SSH2: variants seen among roughly 807,000 people sequenced by gnomAD.
SSH2 encodes the protein slingshot protein phosphatase 2, also known as protein phosphatase Slingshot homolog 2.
A neutral mutation model predicts 135.2 loss-of-function variants in SSH2; 37 were observed. The observed-to-expected ratio is 0.27, with a 90% CI of 0.21 to 0.36. The LOEUF is 0.36. Ranked by LOEUF, SSH2 falls within the 10% of genes least tolerant of loss-of-function variation. The pLI is 1.00. For synonymous variants in SSH2, 628 were observed against 646.2 expected, an observed-to-expected ratio of 0.97 and a Z score of 0.43; for missense variants, 1,408 against 1,765.3, an observed-to-expected ratio of 0.80 and a Z score of 3.63.
intron 9 of SSH2, among the ~76,000 whole-genome samples, chr17:29,671,494 A>G (rs1598763658): frequency 1.3e-5 from 2 of 152,122 alleles, no homozygotes; most frequent in African/African-American, 4.8e-5. Context: ...AAAAAAAAAA[A>G]TTAGCTTATT....
chr17:29,844,850 G>A (rs1471317535), intron 2 of SSH2, among the ~76,000 whole-genome samples: 1 of 152,124 alleles, frequency 6.6e-6, no homozygotes, highest in African/African-American at 2.4e-5. Context: ...GAGATCTAAG[G>A]CAGCCAGCCC....
At chr17:29,840,115 T>G (rs2043014203) in intron 2 of SSH2, among the ~76,000 whole-genome samples, 1 of 152,190 alleles carries the variant, frequency 6.6e-6, no homozygotes, top group African/African-American at 2.4e-5. Context: ...CAACTCCTCC[T>G]GTTTTGCTTG....
Position 29,778,222 on chromosome 17 carries a change from C to G in SSH2, c.188+15672G>C, listed in dbSNP as rs908298556. On this transcript the variant is annotated intron_variant, in intron 3 of 15. Transcript: ENST00000540801. Reference sequence around the variant, plus strand: ...AAAGGATTTCTGCCTTAGACCTTTTCCCTCTGGAATACAGAATTTCTGCTA... The same window carrying G: ...AAAGGATTTCTGCCTTAGACCTTTTGCCTCTGGAATACAGAATTTCTGCTA... 5.9e-5 allele frequency among the ~76,000 whole-genome samples: 9 copies of G among 152,320 alleles called. 1 individual carries two copies. In the South Asian group the frequency reaches 1.9e-3, roughly 32 times the overall value.
At chr17:29,885,253 T>C (rs2066214194) in intron 1 of SSH2, among the ~76,000 whole-genome samples, 1 of 151,820 alleles carries the variant, frequency 6.6e-6, no homozygotes, top group Non-Finnish European at 1.5e-5. Context: ...CCAAGTCTTA[T>C]GCAACCTATT....
At chr17:29,734,390 C>A (rs1442564729) in intron 3 of SSH2, among the ~76,000 whole-genome samples, 2 of 152,158 alleles carry the variant, frequency 1.3e-5, no homozygotes, top group African/African-American at 4.8e-5. Context: ...AAATTCATAA[C>A]TATGCGTGGT....
At chr17:29,929,611 C>T (rs1015575028) in intron 1 of SSH2, among the ~76,000 whole-genome samples, 3 of 151,988 alleles carry the variant, frequency 2.0e-5, no homozygotes, top group Non-Finnish European at 4.4e-5. Flanking sequence ...AGCAGAGCAA[C>T]AGAGGGTAAA....
chr17:29,760,192 T>C (rs923487696), intron 3 of SSH2, among the ~76,000 whole-genome samples: 2 of 152,192 alleles, frequency 1.3e-5, no homozygotes, highest in Non-Finnish European at 2.9e-5. Flanking sequence ...TCTAGACCTT[T>C]AATAAGGGAT....
At chr17:29,698,808 A>G (rs1428518919) in intron 4 of SSH2, among the ~76,000 whole-genome samples, 1 of 152,096 alleles carries the variant, frequency 6.6e-6, no homozygotes, top group African/African-American at 2.4e-5. Context: ...GAGCTTCTTT[A>G]AAATTAAGTT....
intron 1 of SSH2, among the ~76,000 whole-genome samples, chr17:29,855,366 G>A (rs1176754496): frequency 1.3e-5 from 2 of 152,056 alleles, no homozygotes; most frequent in South Asian, 2.1e-4. Flanking sequence ...TTAGCTGGGC[G>A]TGGTAGCATG....
chr17:29,643,191 T>C (rs1334770749), intron 14 of SSH2: 1 of 985,220 alleles, frequency 1.0e-6, no homozygotes, highest in African/African-American at 1.7e-5. Flanking sequence ...TCTGGAGTGG[T>C]ACTTTGGTGC....
chr17:29,899,492 A>G (rs2066506619), intron 1 of SSH2, among the ~76,000 whole-genome samples: 1 of 152,158 alleles, frequency 6.6e-6, no homozygotes, highest in Admixed American at 6.5e-5. Context: ...ATAACAGACA[A>G]ACAGAGAGCC....
At chr17:29,702,431 G>C (rs1255557293) in intron 4 of SSH2, among the ~76,000 whole-genome samples, 2 of 151,016 alleles carry the variant, frequency 1.3e-5, no homozygotes, top group South Asian at 2.1e-4. Flanking sequence ...GAGGCAGGCA[G>C]ATCACCTGAG....
intron 11 of SSH2, among the ~76,000 whole-genome samples, chr17:29,665,257 G>A (rs1216986520): frequency 6.6e-6 from 1 of 152,190 alleles, no homozygotes; most frequent in Non-Finnish European, 1.5e-5. Flanking sequence ...TGACAGTTTT[G>A]CAGTATGATC....
chr17:29,667,389 C>T (rs1163259748), intron 9 of SSH2, among the ~76,000 whole-genome samples, 166 bp from the exon 10 acceptor site: 4 of 152,174 alleles, frequency 2.6e-5, no homozygotes, highest in Non-Finnish European at 4.4e-5. Flanking sequence ...CAGTGAGTAC[C>T]GGTCAGTGGC....
chr17:29,916,959 G>A (rs1257777548), intron 1 of SSH2, among the ~76,000 whole-genome samples: 1 of 151,654 alleles, frequency 6.6e-6, no homozygotes, highest in African/African-American at 2.4e-5. Context: ...GCTGCATGGA[G>A]GTGTCTTCTT....
chr17:29,670,592 G>T (rs1319364777), intron 9 of SSH2, among the ~76,000 whole-genome samples: 1 of 152,034 alleles, frequency 6.6e-6, no homozygotes, highest in South Asian at 2.1e-4. Context: ...TGGTCAACAT[G>T]GTGAAACCCC....
In SSH2 at chr17:29,658,643, G is replaced by A. The variant is rs144782462; in HGVS notation, c.1033-3036C>T. On this transcript the variant is annotated intron_variant, in intron 11 of 15. Transcript: ENST00000540801. ...CAACACTCTGGAGGCCGAGGCAGAC[G>A]GATCACCTGAGGTTGGGAGTTACAG... Among the ~76,000 whole-genome samples the A allele has an allele frequency of 5.6e-3, 858 of 152,110 alleles. 9 individuals are homozygous for A. The highest frequency in any genetic ancestry group is 6.5e-3 in the Non-Finnish European group (442 of 67,970).
chr17:29,923,646 G>A (rs2067014927), intron 1 of SSH2, among the ~76,000 whole-genome samples: 1 of 150,796 alleles, frequency 6.6e-6, no homozygotes, highest in African/African-American at 2.4e-5. Context: ...CGGGGGCAGG[G>A]GGGTTGGAAA....
At chr17:29,913,042 G>T (rs1441180966) in intron 1 of SSH2, among the ~76,000 whole-genome samples, 1 of 151,478 alleles carries the variant, frequency 6.6e-6, no homozygotes, top group East Asian at 1.9e-4. Context: ...CTCCAGCCAG[G>T]CACAGTGGCT....
Sources: gnomAD v4.1 joint callset for allele counts (sites outside exome capture counted in the v4.1 genomes callset) on GRCh38, gnomAD v4.1.1 for gene constraint, MANE v1.5 for transcripts, NCBI Gene and HGNC (gene_info 2026-07-23, HGNC 2026-07-21) for gene names.